EXT2: variants seen among roughly 807,000 people sequenced by gnomAD.
EXT2 encodes exostosin-2.
In EXT2, 53 loss-of-function variants were observed where a neutral mutation model predicts 81.6. That is an observed-to-expected ratio of 0.65 (90% CI 0.52 to 0.82). The LOEUF (loss-of-function observed/expected upper bound fraction) is 0.82. EXT2 is among the 40% of genes least tolerant of loss of function. The pLI is 0.00. For synonymous variants in EXT2, 320 were observed against 340.0 expected (o/e 0.94, Z 0.65); for missense variants, 774 against 910.2 (o/e 0.85, Z 1.93).
At chr11:44,221,280 A>C (rs183738784) in intron 10 of EXT2, among the ~76,000 whole-genome samples, 1 of 152,064 alleles carries the variant, frequency 6.6e-6, no homozygotes, top group Non-Finnish European at 1.5e-5. Flanking sequence ...TGTGTTCTGC[A>C]CCCTCACCTC....
At chr11:44,149,251 A>G (rs1257802406) in intron 7 of EXT2, among the ~76,000 whole-genome samples, 1 of 152,088 alleles carries the variant, frequency 6.6e-6, no homozygotes, top group Non-Finnish European at 1.5e-5. Flanking sequence ...AGTCTCAGCT[A>G]CTCGAGAGGC....
intron 8 of EXT2, among the ~76,000 whole-genome samples, chr11:44,181,142 A>T (rs1375570840): frequency 6.6e-6 from 1 of 152,188 alleles, no homozygotes; most frequent in African/African-American, 2.4e-5. Flanking sequence ...CTTGTGATTA[A>T]TAATTGGGCT....
At chr11:44,131,553 C>T (rs924517691) in intron 7 of EXT2, among the ~76,000 whole-genome samples, 5 of 152,178 alleles carry the variant, frequency 3.3e-5, no homozygotes, top group South Asian at 4.1e-4. Flanking sequence ...TTATTTATAG[C>T]ATCCTCCTGT....
intron 10 of EXT2, among the ~76,000 whole-genome samples, chr11:44,218,475 A>G (rs373808236): frequency 1.3e-5 from 2 of 152,308 alleles, no homozygotes; most frequent in African/African-American, 4.8e-5. Context: ...CAGGCAGAAA[A>G]GAGGTGTTGT....
chr11:44,107,728 A>G lies in EXT2; in HGVS notation c.16A>G (p.Lys6Glu). 1 of 1,614,232 alleles carries G rather than the reference A, an allele frequency of 6.2e-7. No homozygotes were observed. Among genetic ancestry groups the G allele is most frequent in the East Asian group, 2.2e-5 (1 of 44,886 alleles). Residue 6 changes from lysine (K) to glutamate (E), a missense_variant, in exon 2 of 14, where the codon AAG becomes GAG. Around this residue, in one of 2 missense-constraint regions of EXT2, gnomAD observed 626 missense variants for 670.5 expected, o/e 0.93. Coordinates refer to ENST00000533608, the MANE Select transcript of EXT2 (RefSeq NM_207122.2). MCASVKYNIRGPALIP... is the reference protein window; with the variant it reads MCASVEYNIRGPALIP... ...CTGTGTCATTATGTGTGCGTCGGTCAAGTATAATATCCGGGGTCCTGCCCT... is the reference window on the plus strand; with the variant it reads ...CTGTGTCATTATGTGTGCGTCGGTCGAGTATAATATCCGGGGTCCTGCCCT...
chr11:44,108,376 C>T (rs1236382257), intron 2 of EXT2, 128 bp downstream of exon 2: 33 of 1,037,974 alleles, frequency 3.2e-5, no homozygotes, highest in East Asian at 5.2e-5. Flanking sequence ...TCTTGCAGGA[C>T]GGGGTGTGTT....
At chr11:44,098,787 G>C (rs1015116268) in intron 1 of EXT2, among the ~76,000 whole-genome samples, 1 of 151,522 alleles carries the variant, frequency 6.6e-6, no homozygotes, top group African/African-American at 2.4e-5. Flanking sequence ...AGGGTGTTCA[G>C]GGGTGGGTAC....
chr11:44,200,190 A>G (rs1270321093), intron 9 of EXT2, among the ~76,000 whole-genome samples: 1 of 150,952 alleles, frequency 6.6e-6, no homozygotes, highest in Non-Finnish European at 1.5e-5. Flanking sequence ...TTGAAATATT[A>G]GAGGCAAAAG....
At chr11:44,178,732 C>G (rs1430785885) in intron 8 of EXT2, among the ~76,000 whole-genome samples, 2 of 152,106 alleles carry the variant, frequency 1.3e-5, no homozygotes, top group Admixed American at 6.5e-5. Context: ...ATTTGAAAGC[C>G]TACCCTGCCC....
At chr11:44,171,208 A>G (rs1457425208) in intron 7 of EXT2, among the ~76,000 whole-genome samples, 2 of 152,214 alleles carry the variant, frequency 1.3e-5, no homozygotes, top group African/African-American at 4.8e-5. Context: ...GAATGCTGGA[A>G]TGTTCTATAT....
At chr11:44,212,407 C>T (rs6485503) in intron 10 of EXT2, among the ~76,000 whole-genome samples, 138,969 of 151,926 alleles carry the variant, frequency 0.91, 63,652 homozygotes, top group East Asian at 0.99. Flanking sequence ...ATCATAGTCA[C>T]TACAACAGTT....
intron 7 of EXT2, among the ~76,000 whole-genome samples, chr11:44,166,052 C>T (rs979281987): frequency 6.6e-6 from 1 of 152,202 alleles, no homozygotes; most frequent in Admixed American, 6.5e-5. Flanking sequence ...TGCTCTGCAG[C>T]AGGTAGAACA....
At chr11:44,186,652 C>A (rs1189471346) in intron 8 of EXT2, among the ~76,000 whole-genome samples, 3 of 152,146 alleles carry the variant, frequency 2.0e-5, no homozygotes, top group African/African-American at 7.2e-5. Context: ...TTTCAAGAGG[C>A]ATTCAAATGG....
intron 7 of EXT2, among the ~76,000 whole-genome samples, chr11:44,141,140 A>G (rs1010730403): frequency 6.6e-6 from 1 of 152,224 alleles, no homozygotes; most frequent in African/African-American, 2.4e-5. Flanking sequence ...ACAAAATGGC[A>G]TAGTATTTGC....
At chr11:44,168,804 G>A (rs997727559) in intron 7 of EXT2, among the ~76,000 whole-genome samples, 3 of 152,100 alleles carry the variant, frequency 2.0e-5, no homozygotes, top group Non-Finnish European at 4.4e-5. Context: ...AGTCACCCAC[G>A]AATTCTACAG....
chr11:44,226,300 C>T (rs1252261325), intron 10 of EXT2, among the ~76,000 whole-genome samples: 6 of 152,132 alleles, frequency 3.9e-5, no homozygotes, highest in East Asian at 1.9e-4. Context: ...GAAGGTCTCT[C>T]GGACAGACTA....
chr11:44,214,223 T>C (rs926246697), intron 10 of EXT2, among the ~76,000 whole-genome samples: 3 of 152,062 alleles, frequency 2.0e-5, no homozygotes, highest in South Asian at 2.1e-4. Context: ...ACGCCATTCT[T>C]CTGCCTCAGC....
At chr11:44,188,814 G>A (rs750147128) in intron 8 of EXT2, among the ~76,000 whole-genome samples, 1 of 152,132 alleles carries the variant, frequency 6.6e-6, no homozygotes, top group Non-Finnish European at 1.5e-5. Context: ...GAGAGAGAAG[G>A]TCCAACATAC....
At chr11:44,156,394 C>G (rs998341422) in intron 7 of EXT2, among the ~76,000 whole-genome samples, 1 of 152,084 alleles carries the variant, frequency 6.6e-6, no homozygotes, top group Non-Finnish European at 1.5e-5. Flanking sequence ...CTTTATAGAT[C>G]TTGTAGGCAT....
Sources: gnomAD v4.1 joint callset for allele counts (sites outside exome capture counted in the v4.1 genomes callset) on GRCh38, gnomAD v4.1.1 for gene constraint, gnomAD v4.1.1 regional missense constraint, MANE v1.5 for transcripts, NCBI Gene and HGNC (gene_info 2026-07-23, HGNC 2026-07-21) for gene names.